The following THADA variants were observed in gnomAD, a reference collection of about 807,000 sequenced individuals.
THADA encodes the protein tRNA (32-2'-O)-methyltransferase regulator THADA.
Under a neutral mutation model 219.8 loss-of-function variants are expected in THADA, and 213 were observed. The ratio of observed to expected loss-of-function variants is 0.97; its 90% CI spans 0.87 to 1.09. The LOEUF (loss-of-function observed/expected upper bound fraction) is 1.09. Among genes scored for constraint, THADA ranks in the 50% least tolerant of loss-of-function variants. The pLI, the probability that THADA is intolerant of heterozygous loss-of-function variation, is 0.00. For missense variants in THADA, 2,956 were observed against 2,311.3 expected (o/e 1.28, Z -5.72); for synonymous variants, 1,018 against 828.9 (o/e 1.23, Z -3.92).
chr2:43,391,821 G>A (rs1673419422), intron 29 of THADA: 1 of 152,208 alleles, frequency 6.6e-6, no homozygotes. Context: ...CGCCACTGGA[G>A]AAACTCTGCC....
intron 16 of THADA, among the ~76,000 whole-genome samples, chr2:43,559,376 C>T (rs934083492): frequency 1.3e-5 from 2 of 152,172 alleles, no homozygotes; most frequent in African/African-American, 4.8e-5. Context: ...AGACACTATC[C>T]TCTCTGGCAT....
At position 43,586,341 on chromosome 2, in the gene THADA, G is replaced by A. The variant is rs114958200; in HGVS notation, c.533+60C>T. On this transcript the variant is annotated intron_variant, in intron 7 of 37. Coordinates refer to ENST00000405975, the MANE Select transcript of THADA (RefSeq NM_022065.5). ...TTCTGAGACTTTTAAATTTTTCTTT[G>A]TACAAAGATAATGTACAACTGCAAG... 2,181 of 1,354,346 alleles carry A rather than the reference G, an allele frequency of 1.6e-3. 38 individuals are homozygous for A. In the African/African-American group the frequency reaches 0.03, roughly 19 times the overall value. 83.9% of individuals were successfully genotyped at this position (1,354,346 alleles called of 1,614,324 possible). A position where few individuals can be genotyped will look rare whatever the true frequency, so the allele number is the denominator to read the frequency against.
intron 26 of THADA, among the ~76,000 whole-genome samples, chr2:43,473,437 C>T (rs943660515): frequency 2.6e-5 from 4 of 152,112 alleles, no homozygotes; most frequent in Admixed American, 2.0e-4. Flanking sequence ...GAGAACGACA[C>T]CCTCTTCTGG....
At chr2:43,563,590 A>G (rs1032712042) in intron 15 of THADA, 5 of 152,220 alleles carry the variant, frequency 3.3e-5, no homozygotes, top group Non-Finnish European at 7.3e-5. Flanking sequence ...GACTGTGAAT[A>G]TCCTCGGCTG....
chr2:43,586,595 G>A, intron 6 of THADA, 107 bp downstream of exon 6: 1 of 1,364,804 alleles, frequency 7.3e-7, no homozygotes. Context: ...ATGTACCTAA[G>A]TTATCTACAA....
intron 10 of THADA, among the ~76,000 whole-genome samples, 188 bp downstream of exon 10, chr2:43,576,834 T>C (rs1699906747): frequency 6.6e-6 from 1 of 152,098 alleles, no homozygotes; most frequent in African/African-American, 2.4e-5. Flanking sequence ...TTTAAAAGTT[T>C]TGTACAGACA....
chr2:43,319,996 C>CA (rs1357991242), intron 31 of THADA, among the ~76,000 whole-genome samples: 3 of 152,206 alleles, frequency 2.0e-5, no homozygotes, highest in Non-Finnish European at 2.9e-5. Flanking sequence ...TGTGGAAAGT[C>CA]AGAGTCTGAG....
At chr2:43,381,127 A>G (rs1361622693) in intron 29 of THADA, among the ~76,000 whole-genome samples, 3 of 150,884 alleles carry the variant, frequency 2.0e-5, no homozygotes, top group African/African-American at 7.3e-5. Context: ...AAAAAGGAAG[A>G]AAAACAAACA....
At chr2:43,586,590 C>G (rs1317560097) in intron 6 of THADA, 112 bp downstream of exon 6, 2 of 1,344,710 alleles carry the variant, frequency 1.5e-6, no homozygotes, top group Non-Finnish European at 2.0e-6. Context: ...TCATGATGTA[C>G]CTAAGTTATC....
chr2:43,232,832 C>T lies in THADA; in HGVS notation c.5347G>A (p.Ala1783Thr), dbSNP rs1481544790. Residue 1783 changes from alanine to threonine, a missense_variant, in exon 37 of 38, where the codon GCC (alanine) becomes ACC (threonine). By Grantham distance (58) the Ala-to-Thr change is moderately conservative. Transcript: ENST00000405975. ...TGCTGGAGCAGATCACACAGGACGGCCAGGGCCAGGGCCAGAGCGATGGAG... is the reference window on the plus strand; with the variant it reads ...TGCTGGAGCAGATCACACAGGACGGTCAGGGCCAGGGCCAGAGCGATGGAG... ...DASIALALAL[A>T]VLCDLLQQWD... The T allele has an allele frequency of 6.2e-7, 1 of 1,612,118 alleles. No individual in the cohort carries two copies. Among genetic ancestry groups the T allele is most frequent in the African/African-American group, 1.3e-5 (1 of 74,872 alleles).
intron 36 of THADA, among the ~76,000 whole-genome samples, chr2:43,240,915 G>A (rs1375474984): frequency 6.6e-6 from 1 of 152,088 alleles, no homozygotes; most frequent in African/African-American, 2.4e-5. Flanking sequence ...GCATGCACTG[G>A]GCCAAGTGCC....
At chr2:43,323,538 G>T (rs1054097949) in intron 30 of THADA, among the ~76,000 whole-genome samples, 1 of 152,208 alleles carries the variant, frequency 6.6e-6, no homozygotes, top group African/African-American at 2.4e-5. Context: ...CCCTGCTAAA[G>T]CAAGAGCCAT....
At chr2:43,299,584 C>G (rs757859153) in intron 31 of THADA, among the ~76,000 whole-genome samples, 1 of 152,078 alleles carries the variant, frequency 6.6e-6, no homozygotes, top group East Asian at 1.9e-4. Context: ...ATCGCTTGAA[C>G]CCAAGAGGCG....
At chr2:43,418,244 C>A (rs1677252649) in intron 28 of THADA, among the ~76,000 whole-genome samples, 2 of 152,164 alleles carry the variant, frequency 1.3e-5, no homozygotes, top group South Asian at 4.1e-4. Flanking sequence ...TTTTCACCTC[C>A]AAAGAAAGGA....
At chr2:43,407,593 G>A (rs942454101) in intron 28 of THADA, among the ~76,000 whole-genome samples, 1 of 152,076 alleles carries the variant, frequency 6.6e-6, no homozygotes, top group Non-Finnish European at 1.5e-5. Flanking sequence ...CATCCTGTGA[G>A]TCAAGGGAAT....
intron 26 of THADA, among the ~76,000 whole-genome samples, chr2:43,470,376 T>C (rs952350740): frequency 1.3e-5 from 2 of 152,262 alleles, no homozygotes; most frequent in South Asian, 2.1e-4. Flanking sequence ...ATGCTCACCA[T>C]ACCATTACTA....
At chr2:43,511,266 A>C (rs965568379) in intron 22 of THADA, among the ~76,000 whole-genome samples, 14 of 152,170 alleles carry the variant, frequency 9.2e-5, no homozygotes, top group African/African-American at 2.9e-4. Flanking sequence ...CTATTTCCTT[A>C]ATTTCCTAAG....
At chr2:43,457,500 G>A (rs1683155740) in intron 26 of THADA, among the ~76,000 whole-genome samples, 2 of 151,982 alleles carry the variant, frequency 1.3e-5, no homozygotes, top group South Asian at 4.1e-4. Flanking sequence ...CTTCAAATTT[G>A]CCAGGAAACA....
At chr2:43,391,438 C>G (rs1225665686) in intron 29 of THADA, among the ~76,000 whole-genome samples, 1 of 152,130 alleles carries the variant, frequency 6.6e-6, no homozygotes, top group Non-Finnish European at 1.5e-5. Context: ...AGCAAAAGCT[C>G]CCTAAGTAAC....
Sources: allele counts gnomAD v4.1 joint callset (sites outside exome capture counted in the v4.1 genomes callset), GRCh38; gene constraint gnomAD v4.1.1; transcripts MANE v1.5; gene names NCBI Gene and HGNC (gene_info 2026-07-23, HGNC 2026-07-21).